The following LARGE1 variants were observed in gnomAD, a reference collection of about 807,000 sequenced individuals.
LARGE1 encodes xylosyl- and glucuronyltransferase LARGE1.
In LARGE1, 43 loss-of-function variants were observed where a neutral mutation model predicts 87.6. The ratio of observed to expected loss-of-function variants is 0.49; its 90% CI spans 0.38 to 0.63. The LOEUF is 0.63. Among genes scored for constraint, LARGE1 ranks in the 30% least tolerant of loss-of-function variants. LARGE1 has a pLI of 0.00. For synonymous variants in LARGE1, 434 were observed against 394.6 expected (o/e 1.10, Z -1.18); for missense variants, 802 against 1,000.2 (o/e 0.80, Z 2.67).
rs543199213 is a variant in LARGE1, at chr22:33,706,075, C to T, written c.106+55296G>A. 6.6e-5 allele frequency among the ~76,000 whole-genome samples: 10 copies of T among 152,244 alleles called. No homozygotes were observed. The East Asian group carries it at 1.3e-3, about 21-fold the overall frequency. The stretch of plus-strand genomic sequence containing the variant: ...CCTAACAGTTAACTGCCCCGGTGGG[C>T]GACAAGAAAGAAGGTTTCTAAAGAT... On this transcript the variant is annotated intron_variant, in intron 2 of 14. Coordinates refer to ENST00000397394, the MANE Select transcript of LARGE1 (RefSeq NM_133642.5).
intron 1 of LARGE1, among the ~76,000 whole-genome samples, chr22:33,914,618 T>C (rs1204535347): frequency 6.6e-6 from 1 of 152,194 alleles, no homozygotes; most frequent in African/African-American, 2.4e-5. Context: ...ACAAAGACTT[T>C]GTGATTCTTT....
chr22:33,088,468 T>C, the LARGE1 span, among the ~76,000 whole-genome samples: 1 of 152,286 alleles, frequency 6.6e-6, no homozygotes, highest in African/African-American at 2.4e-5. Flanking sequence ...AATGTTAGTG[T>C]TTTTATCGTG....
intron 11 of LARGE1, among the ~76,000 whole-genome samples, chr22:33,311,920 A>G (rs180991010): frequency 6.6e-6 from 1 of 152,226 alleles, no homozygotes; most frequent in African/African-American, 2.4e-5. Flanking sequence ...TGACTTGCCC[A>G]GAACACCAGC....
the LARGE1 span, among the ~76,000 whole-genome samples, chr22:33,118,526 G>A: frequency 2.0e-5 from 3 of 146,882 alleles, no homozygotes; most frequent in South Asian, 6.6e-4. Context: ...AAAAAGAAAA[G>A]AGGTATTACA....
At chr22:33,327,904 A>G (rs892618713) in intron 10 of LARGE1, among the ~76,000 whole-genome samples, 1 of 152,178 alleles carries the variant, frequency 6.6e-6, no homozygotes, top group Non-Finnish European at 1.5e-5. Context: ...ATGCTTCAAG[A>G]AAAGGACTTG....
chr22:33,172,367 G>A (rs547973876), intron 11 of LARGE1, among the ~76,000 whole-genome samples: 2 of 152,242 alleles, frequency 1.3e-5, no homozygotes, highest in South Asian at 4.1e-4. Flanking sequence ...TTTTGAAATG[G>A]TGGTTTCTCC....
intron 2 of LARGE1, among the ~76,000 whole-genome samples, chr22:33,713,074 A>C (rs531577122): frequency 6.6e-6 from 1 of 152,278 alleles, no homozygotes; most frequent in Admixed American, 6.5e-5. Flanking sequence ...ATGTGCTAAG[A>C]AGCAGCTCAG....
intron 11 of LARGE1, among the ~76,000 whole-genome samples, chr22:33,245,752 T>C (rs1926726042): frequency 6.6e-6 from 1 of 151,896 alleles, no homozygotes; most frequent in Admixed American, 6.6e-5. Context: ...CCATCAAAAA[T>C]ACAAAAATTA....
intron 11 of LARGE1, among the ~76,000 whole-genome samples, chr22:33,210,396 C>T (rs567385567): frequency 2.6e-5 from 4 of 152,212 alleles, no homozygotes; most frequent in Admixed American, 1.3e-4. Context: ...AGAACGACAC[C>T]GGCGGAACCT....
the LARGE1 span, among the ~76,000 whole-genome samples, chr22:33,141,350 A>G: frequency 2.0e-5 from 3 of 152,208 alleles, no homozygotes; most frequent in Admixed American, 2.0e-4. Flanking sequence ...TGTAGAAGTT[A>G]CATATCACTG....
intron 7 of LARGE1, among the ~76,000 whole-genome samples, chr22:33,406,822 C>T (rs551499633): frequency 2.6e-5 from 4 of 152,278 alleles, no homozygotes; most frequent in East Asian, 1.9e-4. Flanking sequence ...GAAGGAGTTT[C>T]GCCTTTGTCA....
intron 3 of LARGE1, among the ~76,000 whole-genome samples, chr22:33,640,767 C>T (rs1458238550): frequency 6.6e-6 from 1 of 152,166 alleles, no homozygotes; most frequent in Non-Finnish European, 1.5e-5. Context: ...GTCCACCATA[C>T]TGAGGCCTGA....
intron 2 of LARGE1, among the ~76,000 whole-genome samples, chr22:33,662,326 G>A (rs1224682566): frequency 6.6e-6 from 1 of 152,128 alleles, no homozygotes; most frequent in African/African-American, 2.4e-5. Context: ...CAACATGGGA[G>A]GAAAGGCCCT....
intron 1 of LARGE1, among the ~76,000 whole-genome samples, chr22:33,821,499 TTGTC>T (rs1388087113): frequency 6.6e-6 from 1 of 152,182 alleles, no homozygotes; most frequent in Admixed American, 6.5e-5. Flanking sequence ...TGACAAATGT[TTGTC>T]TGACTAATGA....
chr22:33,586,631 G>A (rs2078684028), intron 5 of LARGE1, among the ~76,000 whole-genome samples: 1 of 151,842 alleles, frequency 6.6e-6, no homozygotes, highest in Non-Finnish European at 1.5e-5. Context: ...CTAATTTTTT[G>A]TATTTTTAGT....
At chr22:33,383,705 T>C (rs1240795793) in intron 8 of LARGE1, among the ~76,000 whole-genome samples, 1 of 152,192 alleles carries the variant, frequency 6.6e-6, no homozygotes, top group East Asian at 1.9e-4. Context: ...AAAGGGACAC[T>C]AGGACAGCAT....
chr22:33,432,366 C>T lies in LARGE1; in HGVS notation c.788-101G>A, dbSNP rs1316092755. 1.1e-5 allele frequency: 9 copies of T among 847,866 alleles called. No individual in the cohort carries two copies. The African/African-American group carries it at 1.3e-4, about 13-fold the overall frequency. 52.5% of individuals were successfully genotyped at this position (847,866 alleles called of 1,614,324 possible). ...GGGTAATGGCAAATCATCACAACAA[C>T]AGTATTCACTTACTGAGAGGTTTTA... On this transcript the variant is annotated intron_variant, in intron 6 of 14. Transcript: ENST00000397394.
At chr22:33,099,459 G>T in the LARGE1 span, among the ~76,000 whole-genome samples, 1 of 152,056 alleles carries the variant, frequency 6.6e-6, no homozygotes, top group Non-Finnish European at 1.5e-5. Flanking sequence ...CTCCATGTGG[G>T]CAGGCTGGTC....
At chr22:33,526,528 G>A (rs1464712005) in intron 6 of LARGE1, among the ~76,000 whole-genome samples, 2 of 152,244 alleles carry the variant, frequency 1.3e-5, no homozygotes, top group Non-Finnish European at 2.9e-5. Flanking sequence ...CCTGGACTAA[G>A]GGTTTTGCTT....
Sources: gnomAD v4.1 joint callset for allele counts (sites outside exome capture counted in the v4.1 genomes callset) on GRCh38, gnomAD v4.1.1 for gene constraint, MANE v1.5 for transcripts, NCBI Gene and HGNC (gene_info 2026-07-23, HGNC 2026-07-21) for gene names.